The following HSPH1 variants were observed in gnomAD, a reference collection of about 807,000 sequenced individuals.
The protein encoded by HSPH1 is heat shock protein 105 kDa.
Under a neutral mutation model 100.0 loss-of-function variants are expected in HSPH1, and 40 were observed. The observed-to-expected ratio is 0.40, with a 90% CI of 0.31 to 0.52. HSPH1 has a LOEUF of 0.52. HSPH1 is among the 20% of genes least tolerant of loss of function. HSPH1 has a pLI of 0.54. For synonymous variants in HSPH1, 403 were observed against 344.0 expected (o/e 1.17, Z -1.90); for missense variants, 876 against 1,015.1 (o/e 0.86, Z 1.86).
chr13:31,139,793 A>C (rs1956023674), intron 14 of HSPH1, among the ~76,000 whole-genome samples: 3 of 152,112 alleles, frequency 2.0e-5, no homozygotes, highest in African/African-American at 7.2e-5. Context: ...AACGGGGCTT[A>C]GTAAGCTCTG....
At position 31,145,737 on chromosome 13, in the gene HSPH1, C is replaced by T. The variant is rs1956243925; in HGVS notation, c.1410G>A (p.Gln470=). ...GRFVVQNVSA[Q]KDGEKSRVKV... The stretch of plus-strand genomic sequence containing the variant: ...TTACTCTAGATTTTTCTCCATCTTT[C>T]TGTGCAGAAACATTCTGAACTACAA... Residue 470 remains glutamine, a synonymous_variant, in exon 11 of 18, where the codon CAG becomes CAA. Coordinates refer to ENST00000320027, the MANE Select transcript of HSPH1 (RefSeq NM_006644.4). 6 of 1,613,448 alleles carry T rather than the reference C, an allele frequency of 3.7e-6. No homozygotes were observed. Among genetic ancestry groups the T allele is most frequent in the Non-Finnish European group, 5.1e-6 (6 of 1,179,686 alleles).
intron 5 of HSPH1, chr13:31,152,552 T>C (rs769043367): frequency 1.1e-4 from 24 of 223,640 alleles, no homozygotes; most frequent in East Asian, 2.4e-4. Context: ...AATTTTAAGA[T>C]TGTGGGAAAA....
intron 7 of HSPH1, among the ~76,000 whole-genome samples, chr13:31,150,657 A>C (rs1038710074): frequency 5.3e-5 from 8 of 152,220 alleles, no homozygotes; most frequent in African/African-American, 1.7e-4. Context: ...TATCTCTGTG[A>C]AACGAGTTTT....
At chr13:31,147,086 G>A (rs1956289176) in intron 10 of HSPH1, among the ~76,000 whole-genome samples, 1 of 152,118 alleles carries the variant, frequency 6.6e-6, no homozygotes, top group Admixed American at 6.5e-5. Context: ...GCTCAAGCAT[G>A]TACGACGTTT....
At chr13:31,154,304 T>G (rs899436387) in intron 4 of HSPH1, 1 of 346,794 alleles carries the variant, frequency 2.9e-6, no homozygotes, top group African/African-American at 2.1e-5. Context: ...TAGAATTCTT[T>G]CACCTGTGAA....
chr13:31,158,881 C>T lies in HSPH1; in HGVS notation c.108-18G>A. 1 of 1,470,212 alleles carries T rather than the reference C, an allele frequency of 6.8e-7. No homozygotes were observed. 91.1% of individuals were successfully genotyped at this position (1,470,212 alleles called of 1,614,324 possible). A position where few individuals can be genotyped will look rare whatever the true frequency, so the allele number is the denominator to read the frequency against. On this transcript the variant is annotated intron_variant, in intron 1 of 17. Coordinates refer to ENST00000320027, the MANE Select transcript of HSPH1 (RefSeq NM_006644.4). ...TGACTGACCTAGAAAAAAATATATT[C>T]CAAAAAATTAAAAAGCATAAAGGTT... is the stretch of plus-strand genomic sequence containing the variant.
Position 31,145,625 on chromosome 13 carries a change from T to C in HSPH1, c.1522A>G (p.Met508Val), listed in dbSNP as rs1260853091. ...VEKVPTEENE[M>V]SSEADMECLN... ...CACTCCATGTCAGCTTCAGAAGACA[T>C]TTCATTCTCCTCAGTTGGGACTTTC... Residue 508 changes from methionine (M) to valine (V), a missense_variant, in exon 11 of 18, where the codon ATG (methionine) becomes GTG (valine). Met to Val is a conservative substitution (Grantham distance 21, BLOSUM62 1). Coordinates refer to ENST00000320027, the MANE Select transcript of HSPH1 (RefSeq NM_006644.4). 2.5e-6 allele frequency: 4 copies of C among 1,613,656 alleles called. No individual in the cohort carries two copies. Among genetic ancestry groups the C allele is most frequent in the Non-Finnish European group, 3.4e-6 (4 of 1,179,772 alleles).
In HSPH1 at chr13:31,135,510, A is replaced by G. The variant is rs1955863073; in HGVS notation, c.*1808T>C. On this transcript the variant is annotated 3_prime_UTR_variant, in exon 18 of 18. Transcript: ENST00000320027. ...AAAGTAGGGAAATGTTGAATAGCTG[A>G]CATAAAGATTCTTAGTAAGAACATT... 1 of 152,262 alleles carries G rather than the reference A, an allele frequency of 6.6e-6. No homozygotes were observed. The highest frequency in any genetic ancestry group is 2.1e-4 in the South Asian group (1 of 4,838). The allele number at this position is 152,262 out of a possible 1,614,324, so 9.4% of individuals were successfully genotyped here. A position where few individuals can be genotyped will look rare whatever the true frequency, so the allele number is the denominator to read the frequency against.
Position 31,150,018 on chromosome 13 carries a change from A to C in HSPH1, c.1073T>G (p.Phe358Cys). ...GAGTGTTGTGCTAATATCTTTTCCA[A>C]AGAATTTGGCAATTCTTTCCTTCAC... is the stretch of plus-strand genomic sequence containing the variant. ...PAVKERIAKF[F>C]GKDISTTLNA... Residue 358 changes from phenylalanine (F) to cysteine (C), a missense_variant, in exon 8 of 18, where the codon TTT becomes TGT. Coordinates refer to ENST00000320027, the MANE Select transcript of HSPH1 (RefSeq NM_006644.4). 6.2e-7 allele frequency: 1 copy of C among 1,613,846 alleles called. No homozygotes were observed. The highest frequency in any genetic ancestry group is 1.1e-5 in the South Asian group (1 of 91,070).
rs201816658 is a variant in HSPH1 at position 31,155,641 on chromosome 13, G to T, written c.179C>A (p.Ala60Glu). The change falls in exon 3 of 18, where the codon GCA becomes GAA. Residue 60 changes from alanine to glutamate, a missense_variant. Coordinates refer to ENST00000320027, the MANE Select transcript of HSPH1 (RefSeq NM_006644.4). ...TTTGAAGTTAGACACCGTATTGTTT[G>T]CATGAGTGATTTGCTGCAAAAAGAA... ...VAAKNQQITH[A>E]NNTVSNFKRF... 128 of 1,594,696 alleles carry T rather than the reference G, an allele frequency of 8.0e-5. No homozygotes were observed. The Admixed American group carries it at 2.2e-3, about 28-fold the overall frequency.
chr13:31,138,026 T>C (rs994516135), intron 17 of HSPH1, among the ~76,000 whole-genome samples: 3 of 152,128 alleles, frequency 2.0e-5, no homozygotes, highest in African/African-American at 7.2e-5. Context: ...TTTTCCTTAC[T>C]TTGTTTCCCT....
chr13:31,148,197 C>G, intron 9 of HSPH1, 105 bp from the exon 10 acceptor site: 1 of 1,254,476 alleles, frequency 8.0e-7, no homozygotes, highest in Non-Finnish European at 1.1e-6. Context: ...TCAATTCTAT[C>G]TCATCATTTA....
upstream of HSPH1, chr13:31,162,340 A>G (rs1054337679): frequency 1.1e-5 from 6 of 570,568 alleles, no homozygotes; most frequent in Non-Finnish European, 1.3e-5. Flanking sequence ...GAGGCCGGCC[A>G]GCTGTCCGGA....
At chr13:31,157,354 C>A (rs1956735789) in intron 2 of HSPH1, among the ~76,000 whole-genome samples, 1 of 152,176 alleles carries the variant, frequency 6.6e-6, no homozygotes, top group African/African-American at 2.4e-5. Flanking sequence ...CCTATTTCTC[C>A]TTTCCTTTTT....
At chr13:31,140,058 T>C in intron 14 of HSPH1, 126 bp downstream of exon 14, 2 of 928,488 alleles carry the variant, frequency 2.2e-6, no homozygotes, top group Non-Finnish European at 3.2e-6. Flanking sequence ...TCTCCATAAC[T>C]TTGTTTTCTG....
At chr13:31,144,685 T>G (rs1217632147) in intron 11 of HSPH1, among the ~76,000 whole-genome samples, 2 of 152,148 alleles carry the variant, frequency 1.3e-5, no homozygotes, top group Non-Finnish European at 2.9e-5. Context: ...CTCTCTCATA[T>G]TTTTCTTCTA....
At chr13:31,153,621 GA>G (rs1274534458) in intron 4 of HSPH1, among the ~76,000 whole-genome samples, 2 of 151,776 alleles carry the variant, frequency 1.3e-5, no homozygotes, top group East Asian at 1.9e-4. Context: ...TACTATTCAG[GA>G]AAAAAAGTAT....
Position 31,148,009 on chromosome 13 carries a change from T to A in HSPH1, c.1328A>T (p.Glu443Val). Residue 443 changes from glutamate to valine, a missense_variant, in exon 10 of 18, where the codon GAA becomes GTA. Transcript: ENST00000320027. ...TFLRRGPFELEAFYSDPQGVP... is the reference protein window; with the variant it reads ...TFLRRGPFELVAFYSDPQGVP... ...TCCTTGGGGATCAGAATAGAAAGCTTCTAGCTCAAAAGGCCCCCTTCTCAG... is the reference window on the plus strand; with the variant it reads ...TCCTTGGGGATCAGAATAGAAAGCTACTAGCTCAAAAGGCCCCCTTCTCAG... 6.2e-7 allele frequency: 1 copy of A among 1,610,702 alleles called. No individual in the cohort carries two copies. The highest frequency in any genetic ancestry group is 8.5e-7 in the Non-Finnish European group (1 of 1,178,794).
At chr13:31,148,741 T>C (rs369318186) in intron 8 of HSPH1, among the ~76,000 whole-genome samples, 1 of 152,058 alleles carries the variant, frequency 6.6e-6, no homozygotes, top group African/African-American at 2.4e-5. Context: ...CACAGGGGAT[T>C]AGGAAAAAAG....
Sources: gnomAD v4.1 joint callset for allele counts (sites outside exome capture counted in the v4.1 genomes callset) on GRCh38, gnomAD v4.1.1 for gene constraint, MANE v1.5 for transcripts, NCBI Gene and HGNC (gene_info 2026-07-23, HGNC 2026-07-21) for gene names.